NAV3: variants seen among roughly 807,000 people sequenced by gnomAD.
The protein encoded by NAV3 is pore membrane and/or filament interacting like protein 1.
A neutral mutation model predicts 244.7 loss-of-function variants in NAV3; 87 were observed. The ratio of observed to expected loss-of-function variants is 0.36; its 90% CI spans 0.30 to 0.42. The LOEUF (loss-of-function observed/expected upper bound fraction) is 0.42. Ranked by LOEUF, NAV3 falls within the 20% of genes least tolerant of loss-of-function variation. The pLI, the probability that NAV3 is intolerant of heterozygous loss-of-function variation, is 1.00. For missense variants in NAV3, 2,663 were observed against 2,893.3 expected (o/e 0.92, Z 1.83); for synonymous variants, 1,126 against 1,042.2 (o/e 1.08, Z -1.55).
At chr12:77,810,424 GC>G (rs1872230555) in intron 2 of NAV3, among the ~76,000 whole-genome samples, 1 of 152,072 alleles carries the variant, frequency 6.6e-6, no homozygotes, top group African/African-American at 2.4e-5. Context: ...GCCCACCTCG[GC>G]CTCCCAAAGT....
chr12:78,001,488 C>G (rs1418246398), intron 7 of NAV3, among the ~76,000 whole-genome samples: 1 of 152,028 alleles, frequency 6.6e-6, no homozygotes, highest in African/African-American at 2.4e-5. Flanking sequence ...AATTTCACTT[C>G]TATATTAAAA....
chr12:77,676,428 C>T (rs1181224145), intron 2 of NAV3, among the ~76,000 whole-genome samples: 1 of 152,188 alleles, frequency 6.6e-6, no homozygotes, highest in Non-Finnish European at 1.5e-5. Context: ...GCACAGCTGA[C>T]AAGCATGTCT....
At chr12:77,882,308 T>C (rs1187977935) in intron 1 of NAV3, among the ~76,000 whole-genome samples, 1 of 152,042 alleles carries the variant, frequency 6.6e-6, no homozygotes, top group African/African-American at 2.4e-5. Flanking sequence ...TCCACAAGGC[T>C]GACAAAAACA....
chr12:77,699,763 A>G (rs1398226704), intron 2 of NAV3, among the ~76,000 whole-genome samples: 1 of 150,840 alleles, frequency 6.6e-6, no homozygotes, highest in Non-Finnish European at 1.5e-5. Flanking sequence ...TGAATGTCCC[A>G]GTGAGCAAGG....
chr12:77,670,315 C>A (rs1242029933), intron 2 of NAV3, among the ~76,000 whole-genome samples: 1 of 151,940 alleles, frequency 6.6e-6, no homozygotes, highest in South Asian at 2.1e-4. Flanking sequence ...AAATTACCAA[C>A]CAAAAAAGCC....
intron 2 of NAV3, among the ~76,000 whole-genome samples, chr12:77,614,074 CTTTTTTTTTTTTTT>C (rs71440485): frequency 6.3e-5 from 6 of 95,650 alleles, no homozygotes; most frequent in East Asian, 6.9e-4. Flanking sequence ...TTCTTTCTCT[CTTTTTTTTTTTTTT>C]TTTTTTTTTT....
chr12:78,023,719 A>C (rs936158331), intron 9 of NAV3, among the ~76,000 whole-genome samples: 2 of 152,254 alleles, frequency 1.3e-5, no homozygotes, highest in Non-Finnish European at 2.9e-5. Flanking sequence ...GAAGAAATTT[A>C]GATGAGGAAA....
intron 24 of NAV3, among the ~76,000 whole-genome samples, chr12:78,174,783 A>G (rs1289362772): frequency 6.6e-6 from 1 of 151,798 alleles, no homozygotes; most frequent in Non-Finnish European, 1.5e-5. Flanking sequence ...TTTTCACTTC[A>G]GTTTCCTCAT....
chr12:78,110,366 G>A (rs1250533745), intron 12 of NAV3, among the ~76,000 whole-genome samples: 1 of 151,920 alleles, frequency 6.6e-6, no homozygotes. Flanking sequence ...ACTTCCCAAA[G>A]CAATTTCCAC....
intron 18 of NAV3, 103 bp downstream of exon 18, chr12:78,128,969 G>T (rs1015809785): frequency 8.8e-6 from 10 of 1,131,838 alleles, no homozygotes; most frequent in Middle Eastern, 2.5e-4. Flanking sequence ...CATTTAAAGG[G>T]AGGGATAAAA....
chr12:77,947,513 A>G (rs1422420796), intron 3 of NAV3: 1 of 151,772 alleles, frequency 6.6e-6, no homozygotes, highest in Non-Finnish European at 1.5e-5. Flanking sequence ...AATCTTATAT[A>G]TGGCATACTG....
chr12:77,625,321 T>G (rs1457565410), intron 2 of NAV3, among the ~76,000 whole-genome samples: 1 of 152,182 alleles, frequency 6.6e-6, no homozygotes, highest in East Asian at 1.9e-4. Flanking sequence ...TTATGAACCC[T>G]GAATATGAAC....
rs1159437493 is a variant in NAV3, at chr12:77,940,310, G to A, written c.244-9G>A. The stretch of plus-strand genomic sequence containing the variant: ...CCCATCTCACTTTTTCCTTCTCTCT[G>A]TTCAACAGATTTACACTGACTGGGC... On this transcript the variant is annotated splice_polypyrimidine_tract_variant and intron_variant, in intron 1 of 39. Transcript: ENST00000397909. 1.2e-6 allele frequency: 2 copies of A among 1,605,946 alleles called. No homozygotes were observed. Among genetic ancestry groups the A allele is most frequent in the South Asian group, 2.2e-5 (2 of 89,882 alleles).
chr12:77,715,033 G>A (rs1424734771), intron 2 of NAV3, among the ~76,000 whole-genome samples: 2 of 151,016 alleles, frequency 1.3e-5, no homozygotes, highest in Non-Finnish European at 3.0e-5. Flanking sequence ...TAGATGAATG[G>A]CAGGTTAAAT....
Position 78,199,521 on chromosome 12 carries a change from C to T in NAV3, c.6705C>T (p.Asp2235=), listed in dbSNP as rs35840937. 5.3e-4 allele frequency: 843 copies of T among 1,586,040 alleles called. 2 individuals carry two copies. In the African/African-American group the frequency reaches 0.011, roughly 20 times the overall value. Residue 2235 remains aspartate, a synonymous_variant, in exon 37 of 40, where the codon GAC becomes GAT. Transcript: ENST00000397909. ...TTTTGGAAACACACAGTTCTTCTGA[C>T]GTTACCATTGGTGAGTTCCAAAATT... is the stretch of plus-strand genomic sequence containing the variant. ...NSFLETHSSS[D]VTIGPRLFLP...
intron 2 of NAV3, among the ~76,000 whole-genome samples, chr12:77,651,409 T>A (rs1872816824): frequency 6.6e-6 from 1 of 152,160 alleles, no homozygotes; most frequent in African/African-American, 2.4e-5. Flanking sequence ...TCCCCAAATA[T>A]TTTCCCGTGC....
chr12:77,963,437 A>G (rs937383094), intron 3 of NAV3, among the ~76,000 whole-genome samples: 1 of 152,212 alleles, frequency 6.6e-6, no homozygotes, highest in African/African-American at 2.4e-5. Context: ...ATAGCCTAGT[A>G]TATACTAACA....
chr12:78,183,350 A>G (rs1272240565), intron 30 of NAV3, among the ~76,000 whole-genome samples: 1 of 151,922 alleles, frequency 6.6e-6, no homozygotes, highest in African/African-American at 2.4e-5. Flanking sequence ...TAATGGCTGG[A>G]AGAGCAAAAC....
At chr12:77,665,606 A>T (rs890769847) in intron 2 of NAV3, among the ~76,000 whole-genome samples, 10 of 152,182 alleles carry the variant, frequency 6.6e-5, no homozygotes, top group African/African-American at 2.2e-4. Context: ...TTAAAATCTG[A>T]TATGATTTTT....
Sources: allele counts gnomAD v4.1 joint callset (sites outside exome capture counted in the v4.1 genomes callset), GRCh38; gene constraint gnomAD v4.1.1; transcripts MANE v1.5; gene names NCBI Gene and HGNC (gene_info 2026-07-23, HGNC 2026-07-21).